Variants in ROPN1B observed in about 807,000 individuals in gnomAD.
ROPN1B encodes the protein ropporin-1B.
Under a neutral mutation model 23.7 loss-of-function variants are expected in ROPN1B, and 13 were observed. The observed-to-expected ratio is 0.55, with a 90% CI of 0.36 to 0.87. The LOEUF is 0.87. ROPN1B is among the 40% of genes least tolerant of loss of function. The pLI, the probability that ROPN1B is intolerant of heterozygous loss-of-function variation, is 0.01. For missense variants in ROPN1B, 183 were observed against 249.2 expected (o/e 0.73, Z 1.79); for synonymous variants, 67 against 100.4 (o/e 0.67, Z 1.99).
At chr3:125,979,324 G>C (rs9856319) in intron 5 of ROPN1B, among the ~76,000 whole-genome samples, 1 of 152,104 alleles carries the variant, frequency 6.6e-6, no homozygotes. Context: ...GGGTTGGTCA[G>C]TGGTACAGTG....
rs1310623170 is a variant in ROPN1B at position 125,975,670 on chromosome 3, T to G, written c.224T>G (p.Leu75Arg). The stretch of plus-strand genomic sequence containing the variant: ...CTAACACCTGAGCTGTTAAAGATCC[T>G]GCATTCTCAGGTAAGGGCCCTGCTG... The part of the protein sequence containing the change: ...AELTPELLKI[L>R]HSQVAGRLII... The change falls in exon 4 of 7, where the codon CTG becomes CGG. Residue 75 changes from leucine (L) to arginine (R), a missense_variant. Leu to Arg is a moderately radical substitution (Grantham distance 102). Transcript: ENST00000514116. 2 of 1,594,296 alleles carry G rather than the reference T, an allele frequency of 1.3e-6. No homozygotes were observed. Among genetic ancestry groups the G allele is most frequent in the Non-Finnish European group, 1.7e-6 (2 of 1,167,876 alleles).
chr3:125,978,163 A>G (rs555951248), intron 5 of ROPN1B, among the ~76,000 whole-genome samples: 5 of 152,216 alleles, frequency 3.3e-5, no homozygotes, highest in African/African-American at 4.8e-5. Flanking sequence ...TATAGCATTT[A>G]TTACTGAATA....
chr3:125,975,502 A>C, intron 3 of ROPN1B, 61 bp from the exon 4 acceptor site: 1 of 1,479,232 alleles, frequency 6.8e-7, no homozygotes, highest in Non-Finnish European at 9.2e-7. Context: ...AAGGATTGCT[A>C]GAACAGCCAG....
intron 4 of ROPN1B, 46 bp downstream of exon 4, chr3:125,975,726 G>A: frequency 6.5e-7 from 1 of 1,544,834 alleles, no homozygotes; most frequent in South Asian, 1.2e-5. Flanking sequence ...GGACAGTGTT[G>A]AGGCTGGGTG....
rs368398049 is a variant in ROPN1B, at chr3:125,982,816, A to G, written c.572+371A>G. ...ACTCATGCTTAGCTATGACCAGTGG[A>G]ACAGAAGTGGAGGAGGAGGATGAGA... On this transcript the variant is annotated intron_variant, in intron 6 of 6. Coordinates refer to ENST00000514116, the MANE Select transcript of ROPN1B (RefSeq NM_001308313.2). 4.6e-5 allele frequency among the ~76,000 whole-genome samples: 7 copies of G among 152,260 alleles called. No individual in the cohort carries two copies. In the South Asian group the frequency reaches 8.3e-4, roughly 18 times the overall value.
chr3:125,974,800 T>C (rs958761964), intron 3 of ROPN1B, among the ~76,000 whole-genome samples: 18 of 152,336 alleles, frequency 1.2e-4, no homozygotes, highest in African/African-American at 4.1e-4. Context: ...AGTTTTATTT[T>C]ACAGGCACCA....
In ROPN1B at chr3:125,981,498, C is replaced by T. The variant is rs151019035; in HGVS notation, c.397-772C>T. Among the ~76,000 whole-genome samples the T allele has an allele frequency of 4.7e-4, 71 of 152,292 alleles. 1 individual carries two copies. The highest frequency in any genetic ancestry group is 1.6e-3 in the African/African-American group (68 of 41,576). ...TCAGTAAACCACCAAGATCTGTATG[C>T]TGAGCTTCATTTCACAACTCTTTTG... On this transcript the variant is annotated intron_variant, in intron 5 of 6. Coordinates refer to ENST00000514116, the MANE Select transcript of ROPN1B (RefSeq NM_001308313.2).
chr3:125,975,480 A>G lies in ROPN1B; in HGVS notation c.117-83A>G, dbSNP rs536815798. ...GTTCCTTTCTCTACCTCCTTCCCTC[A>G]GAAGAAGGGGGAAGGATTGCTAGAA... is the stretch of plus-strand genomic sequence containing the variant. On this transcript the variant is annotated intron_variant, in intron 3 of 6. Coordinates refer to ENST00000514116, the MANE Select transcript of ROPN1B (RefSeq NM_001308313.2). The G allele has an allele frequency of 3.0e-5, 42 of 1,385,632 alleles. No individual in the cohort carries two copies. The East Asian group carries it at 9.5e-4, about 31-fold the overall frequency. The allele number at this position is 1,385,632 out of a possible 1,614,324, so 85.8% of individuals were successfully genotyped here.
At position 125,975,618 on chromosome 3, in the gene ROPN1B, C is replaced by A; in HGVS notation, c.172C>A (p.Arg58=). ...GCCTCCGGTGAGAGAGCGGTCTGAG[C>A]GAGTCGCTTTGTGTAACTGGGCAGA... ...ETPPVRERSE[R]VALCNWAELT... Residue 58 remains arginine (R), a synonymous_variant, in exon 4 of 7, where the codon CGA becomes AGA. Coordinates refer to ENST00000514116, the MANE Select transcript of ROPN1B (RefSeq NM_001308313.2). 1.9e-6 allele frequency: 3 copies of A among 1,614,076 alleles called. No homozygotes were observed. The highest frequency in any genetic ancestry group is 2.5e-6 in the Non-Finnish European group (3 of 1,179,990).
chr3:125,969,820 A>G (rs548675707), intron 1 of ROPN1B, among the ~76,000 whole-genome samples: 5 of 152,416 alleles, frequency 3.3e-5, no homozygotes, highest in South Asian at 4.1e-4. Flanking sequence ...ATTATTTTAT[A>G]CCTAGCACTT....
chr3:125,974,386 A>G (rs9819730), intron 3 of ROPN1B, among the ~76,000 whole-genome samples: 1,978 of 152,102 alleles, frequency 0.013, 19 homozygotes, highest in Non-Finnish European at 0.017. Flanking sequence ...TGTAGCTTTC[A>G]CTCTGCCTTG....
intron 3 of ROPN1B, among the ~76,000 whole-genome samples, chr3:125,974,889 T>A (rs1183193937): frequency 6.6e-6 from 1 of 152,202 alleles, no homozygotes; most frequent in Non-Finnish European, 1.5e-5. Flanking sequence ...CAACCCTCTC[T>A]CCCTTCCCTC....
chr3:125,971,985 T>G (rs1938223383), intron 2 of ROPN1B, 58 bp from the exon 3 acceptor site: 1 of 1,525,822 alleles, frequency 6.6e-7, no homozygotes, highest in Non-Finnish European at 8.9e-7. Context: ...CTGTCCAGGA[T>G]TGCTCTCATC....
chr3:125,978,895 T>A (rs1224015723), intron 5 of ROPN1B, among the ~76,000 whole-genome samples: 1 of 152,068 alleles, frequency 6.6e-6, no homozygotes, highest in East Asian at 1.9e-4. Context: ...ATTCCAACCC[T>A]CCCTCTGCTT....
chr3:125,970,831 C>T (rs769004747), intron 1 of ROPN1B, among the ~76,000 whole-genome samples: 21 of 152,108 alleles, frequency 1.4e-4, no homozygotes, highest in Admixed American at 2.6e-4. Flanking sequence ...AGTTTCTTGT[C>T]TTGGGATTTC....
intron 3 of ROPN1B, chr3:125,972,918 T>C (rs1938268817): frequency 5.6e-6 from 2 of 360,280 alleles, no homozygotes; most frequent in Non-Finnish European, 1.1e-5. Flanking sequence ...GCTCAGTAGA[T>C]GGAGCTTACA....
chr3:125,976,716 T>A (rs2107603778), intron 4 of ROPN1B: 1 of 600,904 alleles, frequency 1.7e-6, no homozygotes, highest in African/African-American at 1.8e-5. Flanking sequence ...AGGAATACAA[T>A]AGCAGATAAA....
chr3:125,981,354 T>C (rs1938606335), intron 5 of ROPN1B, among the ~76,000 whole-genome samples: 1 of 152,186 alleles, frequency 6.6e-6, no homozygotes, highest in Non-Finnish European at 1.5e-5. Context: ...AAGTCTCCTC[T>C]ACTAATCATG....
intron 4 of ROPN1B, among the ~76,000 whole-genome samples, chr3:125,976,251 G>A (rs1938409329): frequency 6.6e-6 from 1 of 152,224 alleles, no homozygotes; most frequent in Admixed American, 6.5e-5. Context: ...CCAGGACAGA[G>A]CGGTTTGGGG....
Sources: allele counts gnomAD v4.1 joint callset (sites outside exome capture counted in the v4.1 genomes callset), GRCh38; gene constraint gnomAD v4.1.1; transcripts MANE v1.5; gene names NCBI Gene and HGNC (gene_info 2026-07-23, HGNC 2026-07-21).